The following SNX31 variants were observed in gnomAD, a reference collection of about 807,000 sequenced individuals.
SNX31 encodes sorting nexin-31.
A neutral mutation model predicts 65.4 loss-of-function variants in SNX31; 58 were observed. The observed-to-expected ratio is 0.89, with a 90% confidence interval of 0.72 to 1.10. The LOEUF (loss-of-function observed/expected upper bound fraction) is 1.10. Ranked by LOEUF, SNX31 falls within the 50% of genes least tolerant of loss-of-function variation. SNX31 has a pLI of 0.00. For synonymous variants in SNX31, 181 were observed against 190.1 expected (o/e 0.95, Z 0.39); for missense variants, 523 against 529.7 (o/e 0.99, Z 0.12).
At chr8:100,641,565 A>AAAAATATATATAT (rs1554587369) in intron 2 of SNX31, among the ~76,000 whole-genome samples, 2 of 32,108 alleles carry the variant, frequency 6.2e-5, no homozygotes, top group Non-Finnish European at 1.1e-4. Context: ...AAAAAAAAAA[A>AAAAATATATATAT]ATATATATAT....
rs1813255460 is a variant in SNX31 at position 100,578,739 on chromosome 8, T to C, written c.1171-1664A>G. 7.0e-6 allele frequency among the ~76,000 whole-genome samples: 1 copy of C among 143,730 alleles called. No individual in the cohort carries two copies. Among genetic ancestry groups the C allele is most frequent in the South Asian group, 2.1e-4 (1 of 4,742 alleles). 94.3% of individuals were successfully genotyped at this position (143,730 alleles called of 152,430 possible). On this transcript the variant is annotated intron_variant, in intron 12 of 13. Transcript: ENST00000311812. This position sits in a 1 kb window ranked among gnomAD's most constrained non-coding sequence, Gnocchi z 4.7. ...ATTTTATTTTATTTTATTATTATTT[T>C]GAGACAGAGTCTCGCTGTGTTGCCC...
At chr8:100,624,865 G>C (rs2131142741) in intron 4 of SNX31, among the ~76,000 whole-genome samples, 1 of 152,176 alleles carries the variant, frequency 6.6e-6, no homozygotes, top group African/African-American at 2.4e-5. Flanking sequence ...ACAGTGGGCT[G>C]ATCATAGCTC....
At chr8:100,619,593 C>G (rs1427162264) in intron 4 of SNX31, among the ~76,000 whole-genome samples, 1 of 152,224 alleles carries the variant, frequency 6.6e-6, no homozygotes, top group Admixed American at 6.5e-5. Context: ...GAAGCAGGAT[C>G]CAGAGAGGCC....
In SNX31 at chr8:100,609,116, T is replaced by C. The variant is rs1179344584; in HGVS notation, c.612-553A>G. ...AGTTAGATATTTATTCTACTCACTTTCAAGGCCCTTCCGGGGACCACCCCC... is the reference window on the plus strand; with the variant it reads ...AGTTAGATATTTATTCTACTCACTTCCAAGGCCCTTCCGGGGACCACCCCC... On this transcript the variant is annotated intron_variant, in intron 7 of 13. Transcript: ENST00000311812. The surrounding 1 kb of genome is among the most constrained non-coding windows in gnomAD (Gnocchi z 4.9). Among the ~76,000 whole-genome samples, 1 of 152,204 alleles carries C rather than the reference T, an allele frequency of 6.6e-6. No homozygotes were observed. Among genetic ancestry groups the C allele is most frequent in the Non-Finnish European group, 1.5e-5 (1 of 68,042 alleles).
At chr8:100,615,976 G>T (rs573560980) in intron 5 of SNX31, among the ~76,000 whole-genome samples, 2 of 151,994 alleles carry the variant, frequency 1.3e-5, no homozygotes, top group Non-Finnish European at 2.9e-5. Context: ...TGGTCTCACT[G>T]TGTTAGCCAG....
At chr8:100,577,147 C>A (rs1813113565) in intron 12 of SNX31, 72 bp from the exon 13 acceptor site, 2 of 1,282,334 alleles carry the variant, frequency 1.6e-6, no homozygotes, top group Admixed American at 1.9e-5. Context: ...ATTTAACTAG[C>A]ACACTTTCCC....
In SNX31 at chr8:100,613,642, T is replaced by C. The variant is rs757783026; in HGVS notation, c.433-557A>G. Among the ~76,000 whole-genome samples, 8 of 152,238 alleles carry C rather than the reference T, an allele frequency of 5.3e-5. No homozygotes were observed. The highest frequency in any genetic ancestry group is 1.2e-4 in the Non-Finnish European group (8 of 68,036). ...GTAATTTACTAGGATGTTTGCAAAA[T>C]GAAAACCTCAGATGCCAGGCACAGG... On this transcript the variant is annotated intron_variant, in intron 5 of 13. Transcript: ENST00000311812. The surrounding 1 kb of genome is among the most constrained non-coding windows in gnomAD (Gnocchi z 5.2).
At chr8:100,652,465 G>A (rs780309956), upstream of SNX31, among the ~76,000 whole-genome samples, 12 of 152,238 alleles carry the variant, frequency 7.9e-5, no homozygotes, top group Middle Eastern at 3.4e-3. Flanking sequence ...TGAGCCAGGC[G>A]CTGCAGTGAG....
At chr8:100,618,131 G>T in intron 4 of SNX31, 1 of 985,284 alleles carries the variant, frequency 1.0e-6, no homozygotes, top group Non-Finnish European at 1.2e-6. Flanking sequence ...CTTTTTTGGT[G>T]CTCTTCTAGC....
At chr8:100,649,124 C>A (rs1819850052) in intron 2 of SNX31, 150 bp downstream of exon 2, 4 of 701,770 alleles carry the variant, frequency 5.7e-6, no homozygotes, top group Middle Eastern at 3.0e-4. Context: ...CAATTCAGTT[C>A]ATCCTTACCA....
rs1439547663 is a variant in SNX31 at position 100,641,566 on chromosome 8, ATATATAT to A, written c.142-5562_142-5556del. 5.3e-4 allele frequency among the ~76,000 whole-genome samples: 10 copies of A among 19,042 alleles called. 1 individual carries two copies. The highest frequency in any genetic ancestry group is 5.4e-3 in the South Asian group (2 of 368). 12.5% of individuals were successfully genotyped at this position (19,042 alleles called of 152,430 possible). On this transcript the variant is annotated intron_variant, in intron 2 of 13. Transcript: ENST00000311812. ...GTCTCAAAAAAAAAAAAAAAAAAAA[ATATATAT>A]ATATATATATATATATATATATACA...
intron 2 of SNX31, among the ~76,000 whole-genome samples, chr8:100,639,873 G>A (rs1282987963): frequency 1.3e-5 from 2 of 152,104 alleles, no homozygotes; most frequent in Non-Finnish European, 2.9e-5. Flanking sequence ...GGAGTACCTT[G>A]TAGCTCCAGA....
At position 100,622,801 on chromosome 8, in the gene SNX31, G is replaced by A. The variant is rs1408186228; in HGVS notation, c.322-5071C>T. Among the ~76,000 whole-genome samples the A allele has an allele frequency of 6.6e-6, 1 of 152,192 alleles. No homozygotes were observed. Among genetic ancestry groups the A allele is most frequent in the East Asian group, 1.9e-4 (1 of 5,198 alleles). On this transcript the variant is annotated intron_variant, in intron 4 of 13. Transcript: ENST00000311812. The surrounding 1 kb of genome is among the most constrained non-coding windows in gnomAD (Gnocchi z 5.0). The stretch of plus-strand genomic sequence containing the variant: ...CTTATCCTACAGATATGTAAGAAGA[G>A]AATATTAAGGCTAAAGCCTCCAATG...
rs1385287595 is a variant in SNX31 at position 100,622,730 on chromosome 8, T to C, written c.322-5000A>G. On this transcript the variant is annotated intron_variant, in intron 4 of 13. Coordinates refer to ENST00000311812, the MANE Select transcript of SNX31 (RefSeq NM_152628.4). This position sits in a 1 kb window ranked among gnomAD's most constrained non-coding sequence, Gnocchi z 5.0. ...TAAATTAAATGGGGGCATTTAAAAA[T>C]GGAGTGTTGATACATGAACTTCCCT... 6.6e-6 allele frequency among the ~76,000 whole-genome samples: 1 copy of C among 152,066 alleles called. No homozygotes were observed. The highest frequency in any genetic ancestry group is 1.5e-5 in the Non-Finnish European group (1 of 68,002).
At chr8:100,661,700 T>G (rs1011973677) in intron 1 of SNX31, among the ~76,000 whole-genome samples, 2 of 152,154 alleles carry the variant, frequency 1.3e-5, no homozygotes. Context: ...GCCAGTTTTT[T>G]TTTTTATTTT....
At chr8:100,583,160 G>A (rs117416578) in intron 12 of SNX31, among the ~76,000 whole-genome samples, 17,186 of 150,432 alleles carry the variant, frequency 0.11, 1,266 homozygotes, top group African/African-American at 0.21. Context: ...AGGCTGGAAT[G>A]TAATGGTGTC....
At chr8:100,645,578 A>C (rs903531716) in intron 2 of SNX31, among the ~76,000 whole-genome samples, 1 of 151,452 alleles carries the variant, frequency 6.6e-6, no homozygotes, top group African/African-American at 2.4e-5. Flanking sequence ...TGTATTTGCT[A>C]AATCTAGCAA....
intron 3 of SNX31, among the ~76,000 whole-genome samples, chr8:100,632,117 T>C (rs7821755): frequency 0.16 from 23,814 of 152,148 alleles, 2,123 homozygotes; most frequent in South Asian, 0.25. Context: ...GGGTCTGATT[T>C]GAGAACCTGT....
At chr8:100,615,735 G>C (rs769556950) in intron 5 of SNX31, among the ~76,000 whole-genome samples, 17 of 152,300 alleles carry the variant, frequency 1.1e-4, no homozygotes, top group African/African-American at 4.1e-4. Flanking sequence ...TAACATGCTG[G>C]TAAGTATTGG....
Sources: gnomAD v4.1 joint callset for allele counts (sites outside exome capture counted in the v4.1 genomes callset) on GRCh38, gnomAD v4.1.1 for gene constraint, Gnocchi (gnomAD v3.1) non-coding constraint, MANE v1.5 for transcripts, NCBI Gene and HGNC (gene_info 2026-07-23, HGNC 2026-07-21) for gene names.